Variants in SLC35F4 observed in about 807,000 individuals in gnomAD.
SLC35F4 encodes chromosome 14 open reading frame 36.
Under a neutral mutation model 44.2 loss-of-function variants are expected in SLC35F4, and 24 were observed. The ratio of observed to expected loss-of-function variants is 0.54; its 90% CI spans 0.39 to 0.76. The LOEUF (loss-of-function observed/expected upper bound fraction) is 0.76. SLC35F4 is among the 30% of genes least tolerant of loss of function. The pLI is 0.00. For synonymous variants in SLC35F4, 238 were observed against 223.6 expected (o/e 1.06, Z -0.57); for missense variants, 562 against 586.1 (o/e 0.96, Z 0.42).
intron 4 of SLC35F4, among the ~76,000 whole-genome samples, chr14:57,575,275 C>T (rs980456100): frequency 1.3e-5 from 2 of 152,072 alleles, no homozygotes; most frequent in Admixed American, 1.3e-4. Flanking sequence ...GTCAGGAGTT[C>T]GAGACCAGCC....
chr14:57,574,496 CCATGA>C (rs985980694), intron 4 of SLC35F4, among the ~76,000 whole-genome samples: 3 of 152,062 alleles, frequency 2.0e-5, no homozygotes, highest in Non-Finnish European at 4.4e-5. Context: ...GAAAAATTCT[CCATGA>C]CATGAGCAGT....
intron 1 of SLC35F4, among the ~76,000 whole-genome samples, chr14:57,775,272 C>T (rs2077461697): frequency 6.6e-6 from 1 of 152,216 alleles, no homozygotes; most frequent in Non-Finnish European, 1.5e-5. Context: ...CACTAGCACC[C>T]TGCTGCAGCC....
At chr14:57,702,006 T>C (rs2075554279) in intron 1 of SLC35F4, among the ~76,000 whole-genome samples, 1 of 152,126 alleles carries the variant, frequency 6.6e-6, no homozygotes, top group Non-Finnish European at 1.5e-5. Flanking sequence ...GAGACAGCCA[T>C]GAGAGACAAA....
chr14:57,818,040 A>G (rs4901824), intron 1 of SLC35F4, among the ~76,000 whole-genome samples: 73,482 of 151,916 alleles, frequency 0.48, 20,416 homozygotes, highest in African/African-American at 0.75. Context: ...GACAGTAGGC[A>G]ATACTGCTGT....
chr14:57,821,636 T>G (rs977644472), intron 1 of SLC35F4, among the ~76,000 whole-genome samples: 1 of 152,188 alleles, frequency 6.6e-6, no homozygotes, highest in African/African-American at 2.4e-5. Flanking sequence ...ACCTCAAGTA[T>G]AGTCAATTCT....
At chr14:57,941,661 T>C (rs1239242553) in intron 1 of SLC35F4, among the ~76,000 whole-genome samples, 2 of 152,212 alleles carry the variant, frequency 1.3e-5, no homozygotes, top group Non-Finnish European at 2.9e-5. Flanking sequence ...CACTGAATTG[T>C]TCACTTTAAA....
At chr14:57,775,138 C>T (rs2077457413) in intron 1 of SLC35F4, among the ~76,000 whole-genome samples, 1 of 152,244 alleles carries the variant, frequency 6.6e-6, no homozygotes, top group Non-Finnish European at 1.5e-5. Context: ...AGCACCCCAC[C>T]CCTGTGCTAA....
chr14:57,830,872 C>T (rs1884295225), intron 1 of SLC35F4, among the ~76,000 whole-genome samples: 1 of 152,098 alleles, frequency 6.6e-6, no homozygotes, highest in Admixed American at 6.5e-5. Flanking sequence ...AGAAATTCAC[C>T]CTAACTGAAC....
intron 1 of SLC35F4, among the ~76,000 whole-genome samples, chr14:57,851,763 T>C (rs1340752596): frequency 6.6e-6 from 1 of 152,082 alleles, no homozygotes; most frequent in African/African-American, 2.4e-5. Context: ...CCAAATAAAA[T>C]CTAGAGTTTA....
At chr14:57,697,358 G>A (rs969172286) in intron 1 of SLC35F4, among the ~76,000 whole-genome samples, 1 of 152,064 alleles carries the variant, frequency 6.6e-6, no homozygotes, top group African/African-American at 2.4e-5. Context: ...TTTTTAAAAT[G>A]TATTAAGGTT....
chr14:57,630,214 A>G (rs2072698173), intron 1 of SLC35F4: 1 of 564,366 alleles, frequency 1.8e-6, no homozygotes, highest in Non-Finnish European at 3.5e-6. Flanking sequence ...AAGAATGTGT[A>G]CAGTTCTTCA....
Position 57,856,029 on chromosome 14 carries a change from T to G in SLC35F4, c.103+9694A>C, listed in dbSNP as rs373655258. Among the ~76,000 whole-genome samples, 16 of 151,982 alleles carry G rather than the reference T, an allele frequency of 1.1e-4. 2 individuals are homozygous for G. The highest frequency in any genetic ancestry group is 3.6e-4 in the African/African-American group (15 of 41,338). On this transcript the variant is annotated intron_variant, in intron 1 of 7. Transcript: ENST00000556826. ...ACAAGGCAGGGAACATCACACACTG[T>G]CGGGGGTTGCTGTGTTGCCCAGGCT...
intron 1 of SLC35F4, among the ~76,000 whole-genome samples, chr14:57,598,533 C>T (rs2070626457): frequency 6.6e-6 from 1 of 152,122 alleles, no homozygotes; most frequent in African/African-American, 2.4e-5. Flanking sequence ...CTTGAAAAGC[C>T]AAGCTGATAA....
At chr14:57,962,538 A>G (rs1230365338) in intron 1 of SLC35F4, among the ~76,000 whole-genome samples, 1 of 152,204 alleles carries the variant, frequency 6.6e-6, no homozygotes, top group Non-Finnish European at 1.5e-5. Flanking sequence ...ATCCTACAGG[A>G]CATCTCAAGG....
intron 1 of SLC35F4, among the ~76,000 whole-genome samples, chr14:57,783,270 T>TA (rs397934310): frequency 1.3e-5 from 2 of 151,842 alleles, no homozygotes; most frequent in Admixed American, 6.6e-5. Flanking sequence ...AACAATTTTT[T>TA]AAAATATCAA....
At chr14:57,944,852 C>G (rs1275120894) in intron 1 of SLC35F4, among the ~76,000 whole-genome samples, 1 of 151,948 alleles carries the variant, frequency 6.6e-6, no homozygotes, top group East Asian at 1.9e-4. Context: ...CAAGTTCTCC[C>G]ACATAAATGC....
chr14:57,883,634 A>C (rs1888588540), intron 1 of SLC35F4, among the ~76,000 whole-genome samples: 1 of 152,230 alleles, frequency 6.6e-6, no homozygotes, highest in South Asian at 2.1e-4. Flanking sequence ...TATAAGTTTT[A>C]ATAGGCTCTC....
intron 1 of SLC35F4, among the ~76,000 whole-genome samples, chr14:57,872,671 G>A (rs964909916): frequency 6.6e-6 from 1 of 152,156 alleles, no homozygotes; most frequent in African/African-American, 2.4e-5. Context: ...GGGCAAACCT[G>A]TGACAATGGG....
intron 1 of SLC35F4, among the ~76,000 whole-genome samples, chr14:57,830,937 T>C (rs1323017745): frequency 6.6e-6 from 1 of 152,176 alleles, no homozygotes; most frequent in Non-Finnish European, 1.5e-5. Flanking sequence ...AGCACTTGTA[T>C]AGAGAACACC....
Sources: gnomAD v4.1 joint callset for allele counts (sites outside exome capture counted in the v4.1 genomes callset) on GRCh38, gnomAD v4.1.1 for gene constraint, MANE v1.5 for transcripts, NCBI Gene and HGNC (gene_info 2026-07-23, HGNC 2026-07-21) for gene names.